FOXJ3: variants seen among roughly 807,000 people sequenced by gnomAD.
FOXJ3 encodes forkhead box protein J3.
FOXJ3 carries 22 observed loss-of-function variants against 76.1 expected under a neutral mutation model. The ratio of observed to expected loss-of-function variants is 0.29; its 90% confidence interval spans 0.21 to 0.41. The LOEUF is 0.41. Ranked by LOEUF, FOXJ3 falls within the 10% of genes least tolerant of loss-of-function variation. The probability of loss-of-function intolerance (pLI) is 1.00; values close to 1 mark genes in which losing one functional copy is unlikely to be tolerated. For missense variants in FOXJ3, 613 were observed against 762.1 expected (o/e 0.80, Z 2.30); for synonymous variants, 269 against 261.2 (o/e 1.03, Z -0.29).
At chr1:42,231,152 TAAA>T (rs34865801) in intron 4 of FOXJ3, among the ~76,000 whole-genome samples, 1 of 145,008 alleles carries the variant, frequency 6.9e-6, no homozygotes. Flanking sequence ...CGTCTCTACT[TAAA>T]AAAAAAAAAA....
intron 2 of FOXJ3, among the ~76,000 whole-genome samples, chr1:42,293,509 A>G (rs1296060654): frequency 6.6e-6 from 1 of 152,186 alleles, no homozygotes; most frequent in Non-Finnish European, 1.5e-5. Context: ...CTGAAAAGCA[A>G]TAATAATAAT....
chr1:42,335,352 C>G (rs1190374541), upstream of FOXJ3: 3 of 152,210 alleles, frequency 2.0e-5, no homozygotes, highest in Non-Finnish European at 2.9e-5. Flanking sequence ...CTTCGACGCA[C>G]GCAGGATCCC....
chr1:42,265,452 T>C (rs999400771), intron 3 of FOXJ3, among the ~76,000 whole-genome samples: 5 of 152,176 alleles, frequency 3.3e-5, no homozygotes, highest in East Asian at 1.9e-4. Context: ...ATGACTTTTA[T>C]TGATACAGGA....
At chr1:42,286,040 G>C (rs1327900081) in intron 2 of FOXJ3, among the ~76,000 whole-genome samples, 1 of 152,170 alleles carries the variant, frequency 6.6e-6, no homozygotes, top group Non-Finnish European at 1.5e-5. Flanking sequence ...TGAGGAATGG[G>C]CAAATGAGTA....
intron 1 of FOXJ3, among the ~76,000 whole-genome samples, chr1:42,312,593 T>C (rs1398533824): frequency 1.7e-4 from 26 of 152,252 alleles, no homozygotes; most frequent in Non-Finnish European, 4.4e-5. Flanking sequence ...TTAAAATCTT[T>C]ACATATAAAT....
intron 11 of FOXJ3, among the ~76,000 whole-genome samples, chr1:42,185,671 C>G (rs1390645593): frequency 1.3e-5 from 2 of 152,076 alleles, no homozygotes; most frequent in African/African-American, 4.8e-5. Flanking sequence ...TGCTCAATGA[C>G]TGCATTCCTA....
Position 42,188,908 on chromosome 1 carries a change from G to A in FOXJ3, c.1474C>T (p.Gln492Ter). Residue 492 changes from glutamine to a stop codon, truncating the protein, a stop_gained, in exon 11 of 13, where the codon CAG becomes TAG. Coordinates refer to ENST00000361346, the MANE Select transcript of FOXJ3 (RefSeq NM_014947.5). LOFTEE classifies it high-confidence loss of function. Reference sequence around the variant, plus strand: ...AAAGACCAGTTCTTGAGATCTGCCTGTCTCATACTCTCCATCAGACCTATG... The same window carrying A: ...AAAGACCAGTTCTTGAGATCTGCCTATCTCATACTCTCCATCAGACCTATG... ...QFQGLMESMR[Q>*]ADLKNWSLDQ... is the part of the protein sequence containing the mutation. The A allele has an allele frequency of 6.2e-7, 1 of 1,607,452 alleles. No homozygotes were observed. The highest frequency in any genetic ancestry group is 8.5e-7 in the Non-Finnish European group (1 of 1,175,624).
In FOXJ3 at chr1:42,194,918, T is replaced by A. The variant is rs1224589823; in HGVS notation, c.906A>T (p.Ser302=). 1 of 1,602,290 alleles carries A rather than the reference T, an allele frequency of 6.2e-7. No homozygotes were observed. The highest frequency in any genetic ancestry group is 1.3e-5 in the African/African-American group (1 of 74,226). Residue 302 remains serine, a synonymous_variant, in exon 8 of 13, where the codon TCA becomes TCT. Transcript: ENST00000361346. ...GTTGACTAAGTGACTGCTCAAAAAC[T>A]GACTTATAAAGGCTCCGAAATGAGG... is the stretch of plus-strand genomic sequence containing the variant. The part of the protein sequence containing the change: ...LSASFRSLYK[S]VFEQSLSQQG...
intron 3 of FOXJ3, among the ~76,000 whole-genome samples, chr1:42,270,388 C>T (rs1651782021): frequency 1.3e-5 from 2 of 152,124 alleles, no homozygotes; most frequent in Admixed American, 1.3e-4. Flanking sequence ...GGGTAGGAAC[C>T]TTGTCTTTTA....
intron 1 of FOXJ3, among the ~76,000 whole-genome samples, chr1:42,332,449 ACAGT>A (rs1177628120): frequency 6.6e-6 from 1 of 152,226 alleles, no homozygotes; most frequent in African/African-American, 2.4e-5. Context: ...TACCTGTCAT[ACAGT>A]AAGTAAATGT....
chr1:42,262,520 T>C (rs1187827828), intron 4 of FOXJ3, among the ~76,000 whole-genome samples: 1 of 152,188 alleles, frequency 6.6e-6, no homozygotes, highest in Non-Finnish European at 1.5e-5. Flanking sequence ...TTTACATCTA[T>C]GTCTGACCAA....
chr1:42,181,279 C>T (rs2124100470), intron 12 of FOXJ3, among the ~76,000 whole-genome samples: 1 of 152,322 alleles, frequency 6.6e-6, no homozygotes, highest in Non-Finnish European at 1.5e-5. Flanking sequence ...AAGATACTTT[C>T]CAGCTCTAAC....
intron 7 of FOXJ3, among the ~76,000 whole-genome samples, chr1:42,197,912 A>T (rs1322343560): frequency 2.0e-5 from 3 of 152,108 alleles, no homozygotes; most frequent in African/African-American, 7.2e-5. Flanking sequence ...TACTGGGATT[A>T]CAGGTATGAG....
chr1:42,319,048 T>A (rs1161966656), intron 1 of FOXJ3, among the ~76,000 whole-genome samples: 1 of 152,084 alleles, frequency 6.6e-6, no homozygotes, highest in Non-Finnish European at 1.5e-5. Context: ...CTGGGCAACA[T>A]GGCAAGATCC....
chr1:42,275,101 C>T (rs1652162473), intron 3 of FOXJ3, among the ~76,000 whole-genome samples: 1 of 152,160 alleles, frequency 6.6e-6, no homozygotes, highest in Admixed American at 6.5e-5. Flanking sequence ...AATGGAAGCA[C>T]TCTGTGCTAA....
intron 4 of FOXJ3, 107 bp downstream of exon 4, chr1:42,265,008 T>G: frequency 1.3e-6 from 1 of 795,808 alleles, no homozygotes; most frequent in African/African-American, 1.7e-5. Context: ...GGGGGAGGAC[T>G]TACTATTTTG....
chr1:42,177,343 C>A lies in FOXJ3; in HGVS notation c.*2367G>T, dbSNP rs1053259724. 6.5e-6 allele frequency: 1 copy of A among 152,672 alleles called. No homozygotes were observed. The highest frequency in any genetic ancestry group is 6.5e-5 in the Admixed American group (1 of 15,292). The allele number at this position is 152,672 out of a possible 1,614,324, so 9.5% of individuals were successfully genotyped here. ...ATTCGCTTCACACAATTTATAAAAT[C>A]ATCATCAGTGGTTCTACTCAAATCA... On this transcript the variant is annotated 3_prime_UTR_variant, in exon 13 of 13. Coordinates refer to ENST00000361346, the MANE Select transcript of FOXJ3 (RefSeq NM_014947.5).
At chr1:42,264,641 A>G (rs1163707309) in intron 4 of FOXJ3, among the ~76,000 whole-genome samples, 2 of 152,146 alleles carry the variant, frequency 1.3e-5, no homozygotes, top group Admixed American at 6.5e-5. Flanking sequence ...AGGAGTCACC[A>G]TAGAAAAAAC....
intron 4 of FOXJ3, among the ~76,000 whole-genome samples, chr1:42,248,011 A>T (rs561763376): frequency 2.6e-5 from 4 of 152,346 alleles, no homozygotes; most frequent in Non-Finnish European, 5.9e-5. Flanking sequence ...TGCCACATAT[A>T]ATTATTTTAT....
Sources: gnomAD v4.1 joint callset for allele counts (sites outside exome capture counted in the v4.1 genomes callset) on GRCh38, gnomAD v4.1.1 for gene constraint, MANE v1.5 for transcripts, NCBI Gene and HGNC (gene_info 2026-07-23, HGNC 2026-07-21) for gene names.